Variants in EPHX2 observed in about 807,000 individuals in gnomAD.
EPHX2 encodes the protein bifunctional epoxide hydrolase 2.
EPHX2 carries 74 observed loss-of-function variants against 78.7 expected under a neutral mutation model. The observed-to-expected ratio is 0.94, with a 90% CI of 0.78 to 1.14. The LOEUF (loss-of-function observed/expected upper bound fraction) is 1.14, where lower values mean the gene tolerates loss of function less well. EPHX2 is among the 50% of genes most tolerant of loss of function. The probability of loss-of-function intolerance (pLI) is 0.00; values close to 1 mark genes in which losing one functional copy is unlikely to be tolerated. For missense variants in EPHX2, 715 were observed against 702.5 expected, an observed-to-expected ratio of 1.02 and a Z score of -0.20; for synonymous variants, 251 against 255.2, an observed-to-expected ratio of 0.98 and a Z score of 0.16.
chr8:27,528,901 T>G (rs949100913), intron 12 of EPHX2, among the ~76,000 whole-genome samples: 1 of 152,170 alleles, frequency 6.6e-6, no homozygotes, highest in Non-Finnish European at 1.5e-5. Context: ...GTTCAAGCGA[T>G]TCTCCTGCCT....
chr8:27,521,163 G>A (rs1814633681), intron 10 of EPHX2, among the ~76,000 whole-genome samples: 1 of 152,218 alleles, frequency 6.6e-6, no homozygotes. Flanking sequence ...AATGGGACCA[G>A]GGAGGACAGC....
intron 12 of EPHX2, among the ~76,000 whole-genome samples, chr8:27,528,608 G>A (rs1418836703): frequency 2.0e-5 from 3 of 152,148 alleles, no homozygotes; most frequent in Admixed American, 6.5e-5. Context: ...AACAGCTCTT[G>A]GATGTATAGT....
intron 13 of EPHX2, among the ~76,000 whole-genome samples, chr8:27,537,401 T>C (rs1815248054): frequency 6.6e-6 from 1 of 152,244 alleles, no homozygotes; most frequent in Admixed American, 6.5e-5. Context: ...AATTCACATT[T>C]TGGTGCCTGA....
chr8:27,518,035 C>A lies in EPHX2; in HGVS notation c.911-3C>A. On this transcript the variant is annotated splice_region_variant and splice_polypyrimidine_tract_variant and intron_variant, in intron 8 of 18. Transcript: ENST00000521400. ...AATATGTTTCTTTTATTTTTAATTG[C>A]AGAAATAGAAGAATATTGCATGGAA... 6.3e-7 allele frequency: 1 copy of A among 1,586,434 alleles called. No homozygotes were observed. The highest frequency in any genetic ancestry group is 8.6e-7 in the Non-Finnish European group (1 of 1,163,712).
At chr8:27,522,962 C>CAA (rs539360462) in intron 11 of EPHX2, among the ~76,000 whole-genome samples, 91 of 62,516 alleles carry the variant, frequency 1.5e-3, no homozygotes, top group African/African-American at 3.0e-3. Flanking sequence ...ACTCCGTTTC[C>CAA]AAAAAAAAAA....
chr8:27,492,721 CT>C, intron 1 of EPHX2: 2 of 168,020 alleles, frequency 1.2e-5, no homozygotes. Context: ...TCAGAGTGCC[CT>C]TTTTTCAATC....
intron 1 of EPHX2, chr8:27,492,969 G>T (rs924102644): frequency 6.5e-6 from 1 of 154,398 alleles, no homozygotes; most frequent in Non-Finnish European, 1.4e-5. Flanking sequence ...CAAAGAAGGG[G>T]CCCTGCCGTT....
At chr8:27,509,782 G>A (rs1416983078) in intron 5 of EPHX2, among the ~76,000 whole-genome samples, 15 of 152,332 alleles carry the variant, frequency 9.8e-5, no homozygotes, top group Non-Finnish European at 2.2e-4. Context: ...AAACAGGGGA[G>A]CCTGCGTCTG....
intron 1 of EPHX2, among the ~76,000 whole-genome samples, chr8:27,497,935 G>A (rs1341578324): frequency 6.6e-6 from 1 of 152,068 alleles, no homozygotes; most frequent in Non-Finnish European, 1.5e-5. Context: ...CCCTTTCTTT[G>A]GCTGTCATTC....
chr8:27,541,996 C>A (rs1815419420), intron 16 of EPHX2, among the ~76,000 whole-genome samples: 2 of 151,928 alleles, frequency 1.3e-5, no homozygotes, highest in South Asian at 4.1e-4. Context: ...ATTTGTCAAG[C>A]AGAAGATGAG....
chr8:27,519,665 C>G (rs1482825702), intron 9 of EPHX2, among the ~76,000 whole-genome samples: 1 of 152,236 alleles, frequency 6.6e-6, no homozygotes, highest in African/African-American at 2.4e-5. Flanking sequence ...CTGCACTGCT[C>G]AGCCTGGCTA....
intron 1 of EPHX2, among the ~76,000 whole-genome samples, chr8:27,493,383 G>C (rs1458659345): frequency 1.3e-5 from 2 of 152,218 alleles, no homozygotes; most frequent in Non-Finnish European, 2.9e-5. Context: ...TCAGCAGTGA[G>C]GAGGTCTAGA....
chr8:27,511,821 C>G lies in EPHX2; in HGVS notation c.661-15C>G, dbSNP rs748707856. ...GCTGCTGCTGTCTCTCTCACTATAC[C>G]TTTCCTGCTTACAGCTTCTCAATAC... On this transcript the variant is annotated splice_polypyrimidine_tract_variant and intron_variant, in intron 5 of 18. Coordinates refer to ENST00000521400, the MANE Select transcript of EPHX2 (RefSeq NM_001979.6). The G allele has an allele frequency of 9.9e-6, 16 of 1,613,762 alleles. No individual in the cohort carries two copies. The highest frequency in any genetic ancestry group is 1.1e-5 in the Non-Finnish European group (13 of 1,179,782).
In EPHX2 at chr8:27,543,810, C is replaced by A; in HGVS notation, c.1511C>A (p.Ser504Tyr). The change falls in exon 17 of 19, where the codon TCC becomes TAC. Residue 504 changes from serine to tyrosine, a missense_variant. Transcript: ENST00000521400. The stretch of plus-strand genomic sequence containing the variant: ...GACTTCGTGCTCGTTCCTCAGATGT[C>A]CCAGCACATGGAGGACTGGGTGAGG... ...EKDFVLVPQM[S>Y]QHMEDWIPHL... 6.2e-7 allele frequency: 1 copy of A among 1,614,098 alleles called. No individual in the cohort carries two copies. Among genetic ancestry groups the A allele is most frequent in the Non-Finnish European group, 8.5e-7 (1 of 1,180,022 alleles).
intron 5 of EPHX2, among the ~76,000 whole-genome samples, chr8:27,508,207 G>A (rs1286272784): frequency 6.6e-6 from 1 of 152,156 alleles, no homozygotes; most frequent in Non-Finnish European, 1.5e-5. Flanking sequence ...GGAAGCTGAG[G>A]CACGAGAATA....
intron 8 of EPHX2, 100 bp downstream of exon 8, chr8:27,516,498 C>A (rs1814460286): frequency 8.9e-7 from 1 of 1,128,274 alleles, no homozygotes; most frequent in Non-Finnish European, 1.3e-6. Context: ...ATCAGAGTAG[C>A]CTTCCCCTTA....
chr8:27,505,591 T>C (rs1299600469), intron 4 of EPHX2, among the ~76,000 whole-genome samples: 1 of 152,194 alleles, frequency 6.6e-6, no homozygotes, highest in Admixed American at 6.5e-5. Flanking sequence ...TAAAGCTCTT[T>C]TCTCTTTGTG....
At chr8:27,507,332 T>G (rs1814050541) in intron 5 of EPHX2, among the ~76,000 whole-genome samples, 1 of 152,208 alleles carries the variant, frequency 6.6e-6, no homozygotes, top group Non-Finnish European at 1.5e-5. Flanking sequence ...TCAGGGCCCC[T>G]ACCTGGCATG....
chr8:27,491,268 C>T lies in EPHX2; in HGVS notation c.60C>T (p.Phe20=), dbSNP rs773228498. The change falls in exon 1 of 19, where the codon TTC becomes TTT. Residue 20 remains phenylalanine (F), a synonymous_variant. Transcript: ENST00000521400. The part of the protein sequence containing the change: ...LDGVLALPAV[F]GVLGRTEEAL... ...GGGTGCTGGCGCTGCCAGCGGTGTT[C>T]GGCGTCCTCGGCCGCACGGAGGAGG... 17 of 1,579,146 alleles carry T rather than the reference C, an allele frequency of 1.1e-5. No individual in the cohort carries two copies. The Admixed American group carries it at 2.1e-4, about 19-fold the overall frequency.
Sources: allele counts gnomAD v4.1 joint callset (sites outside exome capture counted in the v4.1 genomes callset), GRCh38; gene constraint gnomAD v4.1.1; transcripts MANE v1.5; gene names NCBI Gene and HGNC (gene_info 2026-07-23, HGNC 2026-07-21).